Variants in LRP1B observed in about 807,000 individuals in gnomAD.
LRP1B encodes low-density lipoprotein receptor-related protein 1B.
Under a neutral mutation model 556.6 loss-of-function variants are expected in LRP1B, and 217 were observed. That is an observed-to-expected ratio of 0.39 (90% CI 0.35 to 0.44). The LOEUF (loss-of-function observed/expected upper bound fraction) is 0.44, where lower values mean the gene tolerates loss of function less well. Ranked by LOEUF, LRP1B falls within the 20% of genes least tolerant of loss-of-function variation. LRP1B has a pLI of 1.00. For missense variants in LRP1B, 5,053 were observed against 5,620.8 expected (o/e 0.90, Z 3.23); for synonymous variants, 2,047 against 1,865.8 (o/e 1.10, Z -2.50).
In LRP1B at chr2:141,627,452, T is replaced by C. The variant is rs1372533913; in HGVS notation, c.206-146919A>G. On this transcript the variant is annotated intron_variant, in intron 2 of 90. Coordinates refer to ENST00000389484, the MANE Select transcript of LRP1B (RefSeq NM_018557.3). Reference sequence around the variant, plus strand: ...AGTAGACTAGTACTCCTCTGTGGCCTGTTAGGAAGTGGGCCGCACAGCAGG... The same window carrying C: ...AGTAGACTAGTACTCCTCTGTGGCCCGTTAGGAAGTGGGCCGCACAGCAGG... Among the ~76,000 whole-genome samples, 5 of 152,198 alleles carry C rather than the reference T, an allele frequency of 3.3e-5. No individual in the cohort carries two copies. The East Asian group carries it at 9.6e-4, about 29-fold the overall frequency.
chr2:141,819,517 T>A lies in LRP1B; in HGVS notation c.83-9116A>T, dbSNP rs147814221. 9.8e-3 allele frequency among the ~76,000 whole-genome samples: 1,496 copies of A among 152,250 alleles called. 20 individuals are homozygous for A. Among genetic ancestry groups the A allele is most frequent in the South Asian group, 0.043 (209 of 4,810 alleles). ...AGTTAAACATCTTAAACATCGCATGTTCTCATTCATATGTGGAAGCTACAA... is the reference window on the plus strand; with the variant it reads ...AGTTAAACATCTTAAACATCGCATGATCTCATTCATATGTGGAAGCTACAA... On this transcript the variant is annotated intron_variant, in intron 1 of 90. Transcript: ENST00000389484.
intron 3 of LRP1B, among the ~76,000 whole-genome samples, chr2:141,379,528 A>C (rs1689562229): frequency 6.6e-6 from 1 of 152,206 alleles, no homozygotes; most frequent in South Asian, 2.1e-4. Context: ...GGCAACTGAG[A>C]AAATACCCAT....
Position 140,700,590 on chromosome 2 carries a change from G to A in LRP1B, c.6459C>T (p.Gly2153=), listed in dbSNP as rs764660513. ...GTNVCARDNG[G]CKQLCLYRGN... The stretch of plus-strand genomic sequence containing the variant: ...CTCGATAAAGACAGAGTTGCTTACA[G>A]CCACCATTGTCCCTGGCACAAACAT... The change falls in exon 41 of 91, where the codon GGC becomes GGT. Residue 2153 remains glycine (G), a synonymous_variant. Coordinates refer to ENST00000389484, the MANE Select transcript of LRP1B (RefSeq NM_018557.3). 11 of 1,613,456 alleles carry A rather than the reference G, an allele frequency of 6.8e-6. No homozygotes were observed. In the East Asian group the frequency reaches 1.1e-4, roughly 16 times the overall value.
chr2:141,628,840 G>A (rs1366540552), intron 2 of LRP1B, among the ~76,000 whole-genome samples: 1 of 151,798 alleles, frequency 6.6e-6, no homozygotes, highest in East Asian at 1.9e-4. Flanking sequence ...GAAAAGATGA[G>A]GTCTCATCAT....
chr2:140,863,598 T>C (rs758406780), intron 27 of LRP1B, among the ~76,000 whole-genome samples: 1 of 152,148 alleles, frequency 6.6e-6, no homozygotes, highest in Non-Finnish European at 1.5e-5. Flanking sequence ...TTGTCTCTGA[T>C]TTATTCTTTC....
At chr2:141,297,242 A>G (rs1686215953) in intron 3 of LRP1B, among the ~76,000 whole-genome samples, 1 of 152,124 alleles carries the variant, frequency 6.6e-6, no homozygotes, top group Non-Finnish European at 1.5e-5. Context: ...TGCTGGGTTG[A>G]ATAGTATAGT....
intron 1 of LRP1B, among the ~76,000 whole-genome samples, chr2:141,978,031 C>A (rs553709477): frequency 6.6e-6 from 1 of 152,048 alleles, no homozygotes; most frequent in Admixed American, 6.6e-5. Flanking sequence ...ATCATATGAA[C>A]AACTCGCAAA....
chr2:141,820,967 G>A (rs1359255036), intron 1 of LRP1B, among the ~76,000 whole-genome samples: 1 of 152,188 alleles, frequency 6.6e-6, no homozygotes, highest in African/African-American at 2.4e-5. Context: ...GATTATCCTA[G>A]ATTATCCTAG....
chr2:141,517,289 C>CACACACA, intron 2 of LRP1B, among the ~76,000 whole-genome samples: 2 of 151,876 alleles, frequency 1.3e-5, no homozygotes, highest in Non-Finnish European at 2.9e-5. Context: ...CACACACACA[C>CACACACA]CTTAAAATGG....
intron 3 of LRP1B, among the ~76,000 whole-genome samples, chr2:141,469,731 T>G (rs538999489): frequency 6.6e-6 from 1 of 152,322 alleles, no homozygotes; most frequent in Admixed American, 6.5e-5. Context: ...AATGACAGAT[T>G]AGGCTCAACA....
intron 45 of LRP1B, among the ~76,000 whole-genome samples, chr2:140,539,039 T>G (rs115001284): frequency 1.9e-3 from 292 of 152,282 alleles, no homozygotes; most frequent in African/African-American, 6.7e-3. Context: ...CTGCCCTTAT[T>G]CTCTTGCACA....
intron 1 of LRP1B, among the ~76,000 whole-genome samples, chr2:142,104,348 C>T (rs1387457179): frequency 6.6e-6 from 1 of 152,058 alleles, no homozygotes; most frequent in African/African-American, 2.4e-5. Flanking sequence ...CATAAAATGA[C>T]ATTTATTGAC....
chr2:141,304,190 A>AGTAT (rs1175810544), intron 3 of LRP1B, among the ~76,000 whole-genome samples: 1 of 152,166 alleles, frequency 6.6e-6, no homozygotes, highest in Non-Finnish European at 1.5e-5. Context: ...ATACTTCTCA[A>AGTAT]GTATTTTCTC....
chr2:141,124,264 A>G (rs1016946548), intron 7 of LRP1B, among the ~76,000 whole-genome samples: 1 of 152,140 alleles, frequency 6.6e-6, no homozygotes, highest in Admixed American at 6.6e-5. Flanking sequence ...TCCCAAGGCC[A>G]CTGAACAGAG....
intron 90 of LRP1B, 62 bp downstream of exon 90, chr2:140,234,724 G>C (rs1378235658): frequency 5.5e-6 from 4 of 733,686 alleles, no homozygotes; most frequent in African/African-American, 1.8e-5. Context: ...CTAGTAATTA[G>C]TCTTTGATTG....
At chr2:140,349,717 A>C (rs1397853570) in intron 77 of LRP1B, among the ~76,000 whole-genome samples, 1 of 152,054 alleles carries the variant, frequency 6.6e-6, no homozygotes, top group Non-Finnish European at 1.5e-5. Flanking sequence ...CCGTAGAAGC[A>C]ATGTTTTCAA....
chr2:141,559,325 A>G (rs1686065260), intron 2 of LRP1B, among the ~76,000 whole-genome samples: 1 of 151,744 alleles, frequency 6.6e-6, no homozygotes, highest in Admixed American at 6.6e-5. Flanking sequence ...TGCAACTGAC[A>G]ACTTCCTTAT....
At chr2:140,521,266 C>T (rs1362448976) in intron 49 of LRP1B, among the ~76,000 whole-genome samples, 2 of 152,002 alleles carry the variant, frequency 1.3e-5, no homozygotes, top group Admixed American at 6.6e-5. Context: ...GGCTATCCAA[C>T]ATCAACATAA....
chr2:141,683,395 G>C (rs552185978), intron 2 of LRP1B, among the ~76,000 whole-genome samples: 1 of 152,160 alleles, frequency 6.6e-6, no homozygotes, highest in South Asian at 2.1e-4. Context: ...TAAACAGAAT[G>C]TTGGTGAAAA....
Sources: gnomAD v4.1 joint callset for allele counts (sites outside exome capture counted in the v4.1 genomes callset) on GRCh38, gnomAD v4.1.1 for gene constraint, MANE v1.5 for transcripts, NCBI Gene and HGNC (gene_info 2026-07-23, HGNC 2026-07-21) for gene names.